Variants in FAT3 observed in about 807,000 individuals in gnomAD.
The protein encoded by FAT3 is protocadherin Fat 3.
Under a neutral mutation model 310.2 loss-of-function variants are expected in FAT3, and 95 were observed. The observed-to-expected ratio is 0.31, with a 90% confidence interval of 0.26 to 0.36. The LOEUF (loss-of-function observed/expected upper bound fraction) is 0.36, where lower values mean the gene tolerates loss of function less well. Ranked by LOEUF, FAT3 falls within the 10% of genes least tolerant of loss-of-function variation. The pLI is 1.00. For missense variants in FAT3, 5,408 were observed against 5,715.6 expected (o/e 0.95, Z 1.74); for synonymous variants, 2,314 against 2,192.9 (o/e 1.06, Z -1.54).
intron 3 of FAT3, among the ~76,000 whole-genome samples, chr11:92,542,348 A>G (rs1954477367): frequency 6.6e-6 from 1 of 152,114 alleles, no homozygotes; most frequent in Non-Finnish European, 1.5e-5. Context: ...GATTATGTCA[A>G]ACTAAAAGCT....
chr11:92,384,025 G>A (rs1949563564), intron 2 of FAT3, among the ~76,000 whole-genome samples: 1 of 152,036 alleles, frequency 6.6e-6, no homozygotes, highest in Admixed American at 6.6e-5. Context: ...AGTCTCTAAA[G>A]CTCAGCAAAG....
At chr11:92,705,854 A>G (rs368310133) in intron 4 of FAT3, among the ~76,000 whole-genome samples, 860 of 20,644 alleles carry the variant, frequency 0.042, no homozygotes, top group Non-Finnish European at 0.044. Flanking sequence ...TGATGGTGGT[A>G]GTGATGGTGG....
intron 13 of FAT3, among the ~76,000 whole-genome samples, chr11:92,810,673 A>C: frequency 6.6e-6 from 1 of 152,216 alleles, no homozygotes; most frequent in Non-Finnish European, 1.5e-5. Context: ...ATAAGGAATT[A>C]GAATTGAAAG....
chr11:92,747,886 T>A (rs988643009), intron 4 of FAT3, among the ~76,000 whole-genome samples: 1 of 152,218 alleles, frequency 6.6e-6, no homozygotes, highest in South Asian at 2.1e-4. Flanking sequence ...CCATCAGCAT[T>A]TTGGTCAAAC....
intron 7 of FAT3, among the ~76,000 whole-genome samples, chr11:92,779,082 T>C (rs1477266147): frequency 6.6e-6 from 1 of 152,054 alleles, no homozygotes; most frequent in Non-Finnish European, 1.5e-5. Flanking sequence ...AAGGAATCGG[T>C]ACTGTATCTG....
At chr11:92,320,727 G>T (rs1206345120) in intron 1 of FAT3, among the ~76,000 whole-genome samples, 3 of 151,978 alleles carry the variant, frequency 2.0e-5, no homozygotes, top group African/African-American at 7.2e-5. Flanking sequence ...AAAATTAGCT[G>T]GTCATGGTGG....
intron 3 of FAT3, among the ~76,000 whole-genome samples, chr11:92,569,250 A>G (rs569157526): frequency 6.6e-6 from 1 of 152,296 alleles, no homozygotes; most frequent in Non-Finnish European, 1.5e-5. Context: ...CCTTCTCAGT[A>G]AAATGAAGAT....
rs1949983313 is a variant in FAT3, at chr11:92,894,462, G to A, written c.*3349G>A. The A allele has an allele frequency of 2.0e-5, 3 of 152,086 alleles. No individual in the cohort carries two copies. Among genetic ancestry groups the A allele is most frequent in the Non-Finnish European group, 4.4e-5 (3 of 68,030 alleles). 9.4% of individuals were successfully genotyped at this position (152,086 alleles called of 1,614,324 possible). ...GTGGAAACTATTTAAATCAATTAAT[G>A]TCTTTCTCATTTTTCGAACATGTAT... On this transcript the variant is annotated 3_prime_UTR_variant, in exon 28 of 28. Transcript: ENST00000525166.
chr11:92,345,505 G>A (rs748008540), intron 1 of FAT3, among the ~76,000 whole-genome samples: 10 of 152,094 alleles, frequency 6.6e-5, no homozygotes, highest in South Asian at 2.1e-4. Context: ...GCCCCACCCC[G>A]GATCAACAGA....
chr11:92,457,778 C>T (rs569048427), intron 2 of FAT3, among the ~76,000 whole-genome samples: 20 of 152,040 alleles, frequency 1.3e-4, no homozygotes, highest in Non-Finnish European at 2.6e-4. Context: ...AAAAATTAGC[C>T]CGGTACGGTG....
intron 3 of FAT3, among the ~76,000 whole-genome samples, chr11:92,538,599 A>G (rs1221386121): frequency 1.3e-5 from 2 of 152,152 alleles, no homozygotes; most frequent in Admixed American, 1.3e-4. Flanking sequence ...ATGCCTTGAA[A>G]GTCTCTGATA....
chr11:92,556,744 G>T lies in FAT3; in HGVS notation c.3607+31796G>T, dbSNP rs181188157. 7.6e-4 allele frequency among the ~76,000 whole-genome samples: 116 copies of T among 152,212 alleles called. 1 individual carries two copies. In the Middle Eastern group the frequency reaches 0.01, roughly 13 times the overall value. The stretch of plus-strand genomic sequence containing the variant: ...TCCTTGGTTGTAACTGCTCTTTTTA[G>T]GCTGCCAAGCCCACCACAGGAGAGA... On this transcript the variant is annotated intron_variant, in intron 3 of 27. Coordinates refer to ENST00000525166, the MANE Select transcript of FAT3 (RefSeq NM_001367949.2).
intron 1 of FAT3, among the ~76,000 whole-genome samples, chr11:92,252,250 G>A (rs570531578): frequency 1.4e-4 from 21 of 152,242 alleles, no homozygotes; most frequent in Admixed American, 4.6e-4. Flanking sequence ...TAGCAACTTT[G>A]CCTAACACTA....
intron 13 of FAT3, among the ~76,000 whole-genome samples, chr11:92,826,562 G>C (rs1948111311): frequency 6.6e-6 from 1 of 152,118 alleles, no homozygotes; most frequent in Admixed American, 6.5e-5. Flanking sequence ...AATGTATGAG[G>C]TAGAGACTTA....
chr11:92,580,116 A>G (rs767275024), intron 3 of FAT3, among the ~76,000 whole-genome samples: 19 of 152,168 alleles, frequency 1.2e-4, no homozygotes, highest in Admixed American at 2.0e-4. Flanking sequence ...AGCATGAAAA[A>G]TATTTGAAAA....
rs572618426 is a variant in FAT3, at chr11:92,620,401, T to C, written c.3608-76983T>C. 2.0e-5 allele frequency among the ~76,000 whole-genome samples: 3 copies of C among 152,356 alleles called. No individual in the cohort carries two copies. The South Asian group carries it at 6.2e-4, about 32-fold the overall frequency. Reference sequence around the variant, plus strand: ...AGAGCATTGTTCAAGTCTTCTATTTTATGGTTGATCTTTTGCATAGTTGTT... The same window carrying C: ...AGAGCATTGTTCAAGTCTTCTATTTCATGGTTGATCTTTTGCATAGTTGTT... On this transcript the variant is annotated intron_variant, in intron 3 of 27. Coordinates refer to ENST00000525166, the MANE Select transcript of FAT3 (RefSeq NM_001367949.2).
At chr11:92,336,256 TG>T (rs1399924948) in intron 1 of FAT3, 26 of 551,810 alleles carry the variant, frequency 4.7e-5, no homozygotes, top group Non-Finnish European at 4.7e-5. Flanking sequence ...ATGTCCAAAA[TG>T]GGGTCCTTGT....
chr11:92,509,431 A>T (rs1453691365), intron 2 of FAT3, among the ~76,000 whole-genome samples: 1 of 152,188 alleles, frequency 6.6e-6, no homozygotes, highest in African/African-American at 2.4e-5. Flanking sequence ...ATAGTGAAAA[A>T]TTTTAAAATG....
chr11:92,238,545 G>A (rs1460939290), intron 1 of FAT3, among the ~76,000 whole-genome samples: 1 of 151,978 alleles, frequency 6.6e-6, no homozygotes, highest in African/African-American at 2.4e-5. Context: ...TACTTAGGGT[G>A]GCCTGGGGCT....
Sources: allele counts gnomAD v4.1 joint callset (sites outside exome capture counted in the v4.1 genomes callset), GRCh38; gene constraint gnomAD v4.1.1; transcripts MANE v1.5; gene names NCBI Gene and HGNC (gene_info 2026-07-23, HGNC 2026-07-21).